MIS18BP1: variants seen among roughly 807,000 people sequenced by gnomAD.
The protein encoded by MIS18BP1 is MIS18 binding protein 1, also known as mis18-binding protein 1.
Under a neutral mutation model 116.1 loss-of-function variants are expected in MIS18BP1, and 72 were observed. The ratio of observed to expected loss-of-function variants is 0.62; its 90% CI spans 0.51 to 0.75. The LOEUF (loss-of-function observed/expected upper bound fraction) is 0.75. Ranked by LOEUF, MIS18BP1 falls within the 30% of genes least tolerant of loss-of-function variation. The pLI is 0.00. For synonymous variants in MIS18BP1, 386 were observed against 427.0 expected (o/e 0.90, Z 1.18); for missense variants, 1,363 against 1,303.2 (o/e 1.05, Z -0.71).
intron 11 of MIS18BP1, among the ~76,000 whole-genome samples, chr14:45,221,988 T>C (rs1363323511): frequency 6.6e-6 from 1 of 152,230 alleles, no homozygotes; most frequent in African/African-American, 2.4e-5. Context: ...CTTCTATCAT[T>C]TGTAATGTCT....
chr14:45,211,396 C>T (rs1890668977), intron 13 of MIS18BP1, among the ~76,000 whole-genome samples: 1 of 152,112 alleles, frequency 6.6e-6, no homozygotes, highest in African/African-American at 2.4e-5. Context: ...GGCCCCTTCA[C>T]CAAATGGAAT....
chr14:45,224,374 G>A lies in MIS18BP1; in HGVS notation c.2213C>T (p.Thr738Ile), dbSNP rs772384715. ...TCTGGTATTTTTCTTAAAGTCAGAGGTGAGCATTTGTTCCTTTTCAAGGTT... is the reference window on the plus strand; with the variant it reads ...TCTGGTATTTTTCTTAAAGTCAGAGATGAGCATTTGTTCCTTTTCAAGGTT... ...ISNLEKEQMLTSDFKKNTRLL... is the reference protein window; with the variant it reads ...ISNLEKEQMLISDFKKNTRLL... The change falls in exon 11 of 17, where the codon ACC (threonine) becomes ATC (isoleucine). Residue 738 changes from threonine to isoleucine, a missense_variant. Transcript: ENST00000310806. 3.7e-6 allele frequency: 6 copies of A among 1,613,510 alleles called. No homozygotes were observed. In the Admixed American group the frequency reaches 8.3e-5, roughly 22 times the overall value.
intron 14 of MIS18BP1, among the ~76,000 whole-genome samples, chr14:45,207,931 A>C (rs1890564764): frequency 6.6e-6 from 1 of 152,220 alleles, no homozygotes; most frequent in Non-Finnish European, 1.5e-5. Context: ...TAAAAGTGAC[A>C]TAAATGGACA....
chr14:45,239,530 T>A (rs1449859253), intron 4 of MIS18BP1, among the ~76,000 whole-genome samples: 1 of 151,946 alleles, frequency 6.6e-6, no homozygotes, highest in Non-Finnish European at 1.5e-5. Context: ...TGAGAGGGAA[T>A]AAGTGGTGAG....
chr14:45,235,292 G>C (rs1214723409), intron 6 of MIS18BP1, among the ~76,000 whole-genome samples: 2 of 151,644 alleles, frequency 1.3e-5, no homozygotes, highest in African/African-American at 4.8e-5. Context: ...GCATGAAAAG[G>C]ACTGGCCACA....
intron 4 of MIS18BP1, among the ~76,000 whole-genome samples, chr14:45,239,681 T>C (rs1891523720): frequency 6.6e-6 from 1 of 152,084 alleles, no homozygotes; most frequent in Admixed American, 6.5e-5. Context: ...TGGGTAGAGA[T>C]GAGACTATAT....
intron 13 of MIS18BP1, 40 bp from the exon 14 acceptor site, chr14:45,210,568 A>G: frequency 6.2e-7 from 1 of 1,608,048 alleles, no homozygotes; most frequent in South Asian, 1.1e-5. Flanking sequence ...CACCCCATAA[A>G]AGGTATTTTC....
At chr14:45,248,840 C>CA (rs2099470684) in intron 1 of MIS18BP1, among the ~76,000 whole-genome samples, 1 of 152,152 alleles carries the variant, frequency 6.6e-6, no homozygotes, top group Non-Finnish European at 1.5e-5. Flanking sequence ...TTAACGCATG[C>CA]ATGTATATGT....
chr14:45,206,454 T>C (rs2139135624), intron 14 of MIS18BP1: 1 of 252,630 alleles, frequency 4.0e-6, no homozygotes, highest in South Asian at 5.8e-5. Flanking sequence ...GCCTGGCTAA[T>C]CTTTGTATTT....
intron 1 of MIS18BP1, among the ~76,000 whole-genome samples, chr14:45,251,159 A>T (rs1171912780): frequency 1.3e-5 from 2 of 151,820 alleles, no homozygotes; most frequent in Admixed American, 6.6e-5. Context: ...CCTTTTTTTT[A>T]AACTTATTTT....
Position 45,246,999 on chromosome 14 carries a change from C to T in MIS18BP1, c.288G>A (p.Lys96=), listed in dbSNP as rs1891739467. 1 of 1,612,668 alleles carries T rather than the reference C, an allele frequency of 6.2e-7. No individual in the cohort carries two copies. Among genetic ancestry groups the T allele is most frequent in the Admixed American group, 1.7e-5 (1 of 59,862 alleles). The change falls in exon 2 of 17, where the codon AAG becomes AAA. Residue 96 remains lysine (K), a synonymous_variant. Coordinates refer to ENST00000310806, the MANE Select transcript of MIS18BP1 (RefSeq NM_018353.5). The part of the protein sequence containing the change: ...SNSSLDISAI[K]PNKDGLKNKA... The stretch of plus-strand genomic sequence containing the variant: ...TATTTTTTAATCCATCCTTGTTGGG[C>T]TTTATAGCACTGATATCAAGAGAAC...
intron 4 of MIS18BP1, among the ~76,000 whole-genome samples, chr14:45,239,654 A>T (rs1891523197): frequency 6.6e-6 from 1 of 152,206 alleles, no homozygotes; most frequent in Non-Finnish European, 1.5e-5. Flanking sequence ...ACAAAATTTG[A>T]TATTTTAAGG....
At chr14:45,251,326 T>C (rs1255803664) in intron 1 of MIS18BP1, among the ~76,000 whole-genome samples, 5 of 152,292 alleles carry the variant, frequency 3.3e-5, no homozygotes, top group South Asian at 4.1e-4. Context: ...GTACACTCTA[T>C]GATATTGGCA....
intron 14 of MIS18BP1, among the ~76,000 whole-genome samples, chr14:45,207,891 A>G (rs554482846): frequency 1.3e-5 from 2 of 152,356 alleles, no homozygotes; most frequent in South Asian, 4.1e-4. Flanking sequence ...GATTCATAAC[A>G]TAAGTGAATC....
intron 1 of MIS18BP1, among the ~76,000 whole-genome samples, chr14:45,248,059 T>TG (rs779257065): frequency 6.7e-6 from 1 of 149,634 alleles, no homozygotes; most frequent in African/African-American, 2.5e-5. Context: ...TCTTTCGTTT[T>TG]TTTTTTTTTT....
chr14:45,210,562 C>CCAT, intron 13 of MIS18BP1, 34 bp from the exon 14 acceptor site: 1 of 1,608,930 alleles, frequency 6.2e-7, no homozygotes, highest in Non-Finnish European at 8.5e-7. Flanking sequence ...AGCAGGCACC[C>CCAT]CATAAAAGGT....
intron 15 of MIS18BP1, among the ~76,000 whole-genome samples, chr14:45,204,733 C>T (rs926619299): frequency 6.6e-6 from 1 of 151,920 alleles, no homozygotes; most frequent in Admixed American, 6.6e-5. Flanking sequence ...AGTCTATGGG[C>T]CTCCAAAAGT....
Position 45,247,085 on chromosome 14 carries a change from T to C in MIS18BP1, c.202A>G (p.Thr68Ala). 5 of 1,612,552 alleles carry C rather than the reference T, an allele frequency of 3.1e-6. No individual in the cohort carries two copies. Among genetic ancestry groups the C allele is most frequent in the South Asian group, 1.1e-5 (1 of 90,784 alleles). The stretch of plus-strand genomic sequence containing the variant: ...TGAAATATATTTTTATTGTTAAAAG[T>C]TGTCATTTTTAGGAACTGATTCTTT... Reference protein sequence around the residue: ...HKKNQFLKMTTFNNKNIFQST... With the variant: ...HKKNQFLKMTAFNNKNIFQST... The change falls in exon 2 of 17, where the codon ACT becomes GCT. Residue 68 changes from threonine to alanine, a missense_variant. Transcript: ENST00000310806.
chr14:45,230,213 T>C (rs960995646), intron 8 of MIS18BP1, among the ~76,000 whole-genome samples: 1 of 152,234 alleles, frequency 6.6e-6, no homozygotes, highest in Non-Finnish European at 1.5e-5. Context: ...CTTTTACTCA[T>C]CTATATTGTT....
Sources: gnomAD v4.1 joint callset for allele counts (sites outside exome capture counted in the v4.1 genomes callset) on GRCh38, gnomAD v4.1.1 for gene constraint, MANE v1.5 for transcripts, NCBI Gene and HGNC (gene_info 2026-07-23, HGNC 2026-07-21) for gene names.